TRPM3: variants seen among roughly 807,000 people sequenced by gnomAD.
The protein encoded by TRPM3 is long transient receptor potential channel 3.
A neutral mutation model predicts 181.2 loss-of-function variants in TRPM3; 77 were observed. That is an observed-to-expected ratio of 0.42 (90% CI 0.35 to 0.51). The LOEUF is 0.51. Among genes scored for constraint, TRPM3 ranks in the 20% least tolerant of loss-of-function variants. The pLI, the probability that TRPM3 is intolerant of heterozygous loss-of-function variation, is 0.01. For missense variants in TRPM3, 1,759 were observed against 2,196.7 expected (o/e 0.80, Z 3.98); for synonymous variants, 745 against 796.4 (o/e 0.94, Z 1.09).
intron 1 of TRPM3, among the ~76,000 whole-genome samples, chr9:71,305,908 G>GT (rs2132360101): frequency 1.3e-5 from 2 of 152,138 alleles, no homozygotes; most frequent in Admixed American, 6.5e-5. Context: ...TAGGATCAGG[G>GT]TTTTTTCCTG....
intron 8 of TRPM3, among the ~76,000 whole-genome samples, chr9:70,751,098 G>T (rs1483854340): frequency 6.6e-6 from 1 of 151,906 alleles, no homozygotes; most frequent in Non-Finnish European, 1.5e-5. Flanking sequence ...CAGAATACAT[G>T]CAATTAGACT....
At chr9:70,758,926 G>T (rs989631475) in intron 8 of TRPM3, among the ~76,000 whole-genome samples, 1 of 152,128 alleles carries the variant, frequency 6.6e-6, no homozygotes, top group Non-Finnish European at 1.5e-5. Context: ...CATGGGCAAG[G>T]ACTTCATGAC....
chr9:70,677,121 G>A (rs1021482001), intron 9 of TRPM3, among the ~76,000 whole-genome samples: 1 of 152,012 alleles, frequency 6.6e-6, no homozygotes, highest in Non-Finnish European at 1.5e-5. Flanking sequence ...GCTAAAACAG[G>A]GCCAGGGTGG....
chr9:70,616,696 T>TACAC (rs372225185), intron 17 of TRPM3, among the ~76,000 whole-genome samples: 31 of 151,206 alleles, frequency 2.1e-4, no homozygotes, highest in African/African-American at 7.5e-4. Flanking sequence ...CAAACACACA[T>TACAC]ACACACACAC....
intron 7 of TRPM3, among the ~76,000 whole-genome samples, chr9:70,770,882 A>G (rs1480616338): frequency 6.6e-6 from 1 of 152,176 alleles, no homozygotes; most frequent in African/African-American, 2.4e-5. Context: ...AAGCAAGGTA[A>G]CCGGCATGCA....
At chr9:70,933,103 C>T (rs772350989) in intron 1 of TRPM3, among the ~76,000 whole-genome samples, 6 of 152,054 alleles carry the variant, frequency 3.9e-5, no homozygotes, top group African/African-American at 4.8e-5. Context: ...ATGAGATAGA[C>T]AAGATTAGAA....
chr9:70,854,185 C>A (rs2095323113), intron 3 of TRPM3, among the ~76,000 whole-genome samples: 1 of 152,184 alleles, frequency 6.6e-6, no homozygotes, highest in African/African-American at 2.4e-5. Flanking sequence ...CTATTAATTG[C>A]AAAGGGCTCA....
chr9:70,610,583 G>A lies in TRPM3; in HGVS notation c.2667+26C>T, dbSNP rs200424085. The A allele has an allele frequency of 3.1e-4, 504 of 1,607,256 alleles. No homozygotes were observed. In the African/African-American group the frequency reaches 6.2e-3, roughly 20 times the overall value. ...GTTGGCTCCTTGTGGCCATCCACTA[G>A]GAAGGAGAAAAGGAAATGTGCTTAC... On this transcript the variant is annotated intron_variant, in intron 19 of 25. Coordinates refer to ENST00000677713, the MANE Select transcript of TRPM3 (RefSeq NM_001366145.2).
At chr9:71,082,369 G>A (rs1952117463) in intron 1 of TRPM3, among the ~76,000 whole-genome samples, 1 of 152,082 alleles carries the variant, frequency 6.6e-6, no homozygotes, top group Non-Finnish European at 1.5e-5. Flanking sequence ...ATGACATGTT[G>A]TCTTTTTAGC....
At chr9:71,203,568 G>C (rs1324122426) in intron 1 of TRPM3, among the ~76,000 whole-genome samples, 1 of 152,228 alleles carries the variant, frequency 6.6e-6, no homozygotes, top group Admixed American at 6.5e-5. Context: ...GAGACTGTCT[G>C]TGTTGAAGTC....
At chr9:70,629,533 C>A (rs1265908202) in intron 12 of TRPM3, among the ~76,000 whole-genome samples, 1 of 152,034 alleles carries the variant, frequency 6.6e-6, no homozygotes, top group African/African-American at 2.4e-5. Flanking sequence ...GATGGGGTTT[C>A]ACCATGTTGG....
intron 1 of TRPM3, among the ~76,000 whole-genome samples, chr9:71,357,867 T>C (rs1035305270): frequency 5.3e-5 from 8 of 152,140 alleles, no homozygotes; most frequent in African/African-American, 1.9e-4. Context: ...GGAAAGTGAT[T>C]CCAAAAGCAC....
At chr9:71,271,903 T>C (rs1447492510) in intron 1 of TRPM3, among the ~76,000 whole-genome samples, 1 of 152,186 alleles carries the variant, frequency 6.6e-6, no homozygotes. Context: ...TAAAGATCTA[T>C]TCACTCTCTA....
intron 1 of TRPM3, among the ~76,000 whole-genome samples, chr9:71,255,521 C>T (rs1249886356): frequency 1.3e-4 from 20 of 152,132 alleles, no homozygotes; most frequent in Admixed American, 1.3e-3. Context: ...TAACATAAAA[C>T]ATCACTTAGT....
At chr9:70,540,595 G>C (rs974250390) in intron 25 of TRPM3, among the ~76,000 whole-genome samples, 3 of 152,240 alleles carry the variant, frequency 2.0e-5, no homozygotes, top group Admixed American at 6.5e-5. Flanking sequence ...AGCTACTCAA[G>C]AGGCTGAGGT....
intron 1 of TRPM3, among the ~76,000 whole-genome samples, chr9:71,178,067 T>G (rs947111029): frequency 1.3e-5 from 2 of 152,040 alleles, no homozygotes; most frequent in African/African-American, 4.8e-5. Context: ...TTTTTTTCCT[T>G]CTAGATAAGA....
intron 9 of TRPM3, among the ~76,000 whole-genome samples, chr9:70,645,538 C>T (rs2058698724): frequency 6.6e-6 from 1 of 152,110 alleles, no homozygotes; most frequent in Non-Finnish European, 1.5e-5. Context: ...CCCTTTGTTA[C>T]ACCTTATACA....
intron 7 of TRPM3, among the ~76,000 whole-genome samples, chr9:70,765,238 G>T (rs2078886104): frequency 6.6e-6 from 1 of 152,104 alleles, no homozygotes; most frequent in South Asian, 2.1e-4. Flanking sequence ...TCCGTATCAG[G>T]GATGATAAGG....
chr9:71,280,627 G>A (rs946409556), intron 1 of TRPM3, among the ~76,000 whole-genome samples: 2 of 152,178 alleles, frequency 1.3e-5, no homozygotes, highest in East Asian at 1.9e-4. Context: ...CTTTGTTGAA[G>A]AAACAGATTC....
Sources: allele counts gnomAD v4.1 joint callset (sites outside exome capture counted in the v4.1 genomes callset), GRCh38; gene constraint gnomAD v4.1.1; transcripts MANE v1.5; gene names NCBI Gene and HGNC (gene_info 2026-07-23, HGNC 2026-07-21).